Variants in PTPRT observed in about 807,000 individuals in gnomAD.
The protein encoded by PTPRT is protein tyrosine phosphatase receptor type T, also known as receptor-type tyrosine-protein phosphatase T.
In PTPRT, 56 loss-of-function variants were observed where a neutral mutation model predicts 176.8. The observed-to-expected ratio is 0.32, with a 90% CI of 0.26 to 0.40. The LOEUF (loss-of-function observed/expected upper bound fraction) is 0.40, where lower values mean the gene tolerates loss of function less well. PTPRT is among the 10% of genes least tolerant of loss of function. PTPRT has a pLI of 1.00. For synonymous variants in PTPRT, 783 were observed against 739.0 expected (o/e 1.06, Z -0.96); for missense variants, 1,540 against 1,908.2 (o/e 0.81, Z 3.60).
chr20:42,610,925 C>T lies in PTPRT; in HGVS notation c.1153+66941G>A, dbSNP rs1003297527. Among the ~76,000 whole-genome samples the T allele has an allele frequency of 1.2e-4, 15 of 122,318 alleles. 1 individual carries two copies. Among genetic ancestry groups the T allele is most frequent in the Admixed American group, 4.4e-4 (6 of 13,710 alleles). 80.2% of individuals were successfully genotyped at this position (122,318 alleles called of 152,430 possible). A position where few individuals can be genotyped will look rare whatever the true frequency, so the allele number is the denominator to read the frequency against. ...CTTACCTATTCTGAACATTGCAATA[C>T]ACTAGTCTTTCGTGTCTGACTTCTT... On this transcript the variant is annotated intron_variant, in intron 7 of 30. Coordinates refer to ENST00000373187, the MANE Select transcript of PTPRT (RefSeq NM_007050.6).
chr20:43,182,118 T>C (rs796399379), intron 1 of PTPRT, among the ~76,000 whole-genome samples: 3 of 152,238 alleles, frequency 2.0e-5, no homozygotes, highest in African/African-American at 7.2e-5. Context: ...AAATGCGTGA[T>C]CCCTAAGGGA....
At chr20:43,052,309 T>C (rs1600676197) in intron 1 of PTPRT, among the ~76,000 whole-genome samples, 1 of 152,384 alleles carries the variant, frequency 6.6e-6, no homozygotes, top group Middle Eastern at 3.4e-3. Context: ...CTGGCTATTG[T>C]GTAAAACAAA....
chr20:43,036,662 A>C (rs570661731), intron 1 of PTPRT, among the ~76,000 whole-genome samples: 9 of 152,346 alleles, frequency 5.9e-5, no homozygotes, highest in Middle Eastern at 3.4e-3. Context: ...GATATTTAAA[A>C]ACTCAATCCC....
intron 1 of PTPRT, among the ~76,000 whole-genome samples, chr20:43,012,505 C>T (rs1386857700): frequency 2.0e-5 from 3 of 152,014 alleles, no homozygotes; most frequent in East Asian, 1.9e-4. Context: ...AGATAGATAT[C>T]GGGGGTGGTT....
chr20:42,558,044 TG>T (rs1196071075), intron 7 of PTPRT, among the ~76,000 whole-genome samples: 1 of 152,190 alleles, frequency 6.6e-6, no homozygotes, highest in East Asian at 1.9e-4. Context: ...GATAAACTTG[TG>T]TCATGGGGGT....
intron 7 of PTPRT, among the ~76,000 whole-genome samples, chr20:42,677,306 T>A (rs2425512): frequency 0.39 from 59,378 of 151,362 alleles, 11,894 homozygotes; most frequent in African/African-American, 0.46. Flanking sequence ...AATTAGAAAC[T>A]CATTAAAGAT....
At chr20:42,574,966 G>T (rs1278499307) in intron 7 of PTPRT, among the ~76,000 whole-genome samples, 1 of 152,100 alleles carries the variant, frequency 6.6e-6, no homozygotes, top group Non-Finnish European at 1.5e-5. Context: ...TGCCATGATT[G>T]TAAGTTTCCT....
chr20:42,703,023 T>C (rs982762917), intron 6 of PTPRT, among the ~76,000 whole-genome samples: 1 of 152,216 alleles, frequency 6.6e-6, no homozygotes, highest in African/African-American at 2.4e-5. Context: ...AGGTTCAGAT[T>C]AGCTTAAGTC....
At chr20:43,175,032 T>C (rs897782146) in intron 1 of PTPRT, among the ~76,000 whole-genome samples, 4 of 152,218 alleles carry the variant, frequency 2.6e-5, no homozygotes, top group African/African-American at 4.8e-5. Flanking sequence ...TCTCTAAACA[T>C]TGAAAAGACT....
intron 7 of PTPRT, among the ~76,000 whole-genome samples, chr20:42,585,475 C>A (rs1053636556): frequency 6.6e-6 from 1 of 152,100 alleles, no homozygotes; most frequent in Non-Finnish European, 1.5e-5. Context: ...GAAATTCTAG[C>A]ATTTTATGTA....
the PTPRT span, among the ~76,000 whole-genome samples, chr20:42,052,390 AC>A: frequency 0.014 from 2,135 of 152,126 alleles, 19 homozygotes; most frequent in Non-Finnish European, 0.023. Context: ...CCTCTCAGAC[AC>A]CCTGTGGGTC....
intron 7 of PTPRT, among the ~76,000 whole-genome samples, chr20:42,610,110 C>T (rs753306841): frequency 1.6e-4 from 25 of 152,130 alleles, no homozygotes; most frequent in Non-Finnish European, 3.7e-4. Context: ...CTTTTTTCAG[C>T]GACTATTTTG....
chr20:42,209,504 G>A (rs955141919), intron 15 of PTPRT, among the ~76,000 whole-genome samples: 1 of 152,188 alleles, frequency 6.6e-6, no homozygotes, highest in African/African-American at 2.4e-5. Flanking sequence ...TACCATCAGA[G>A]AATACTACAA....
At chr20:42,605,255 C>T (rs1360626511) in intron 7 of PTPRT, among the ~76,000 whole-genome samples, 1 of 152,154 alleles carries the variant, frequency 6.6e-6, no homozygotes, top group Non-Finnish European at 1.5e-5. Flanking sequence ...TCTGCTCAGG[C>T]CAGGACTGAC....
At chr20:42,310,995 C>G (rs1352477556) in intron 12 of PTPRT, among the ~76,000 whole-genome samples, 1 of 152,194 alleles carries the variant, frequency 6.6e-6, no homozygotes, top group African/African-American at 2.4e-5. Flanking sequence ...TAAAATACTT[C>G]ATATTCACAG....
At chr20:42,332,338 T>G (rs1484546108) in intron 11 of PTPRT, among the ~76,000 whole-genome samples, 1 of 152,024 alleles carries the variant, frequency 6.6e-6, no homozygotes, top group Non-Finnish European at 1.5e-5. Context: ...GCCTCCCGAG[T>G]AGCTGAGACT....
intron 1 of PTPRT, among the ~76,000 whole-genome samples, chr20:43,026,328 G>A (rs1227024880): frequency 2.0e-5 from 3 of 152,136 alleles, no homozygotes; most frequent in Non-Finnish European, 4.4e-5. Flanking sequence ...ATATTGGCCA[G>A]GCTGGTCTCA....
intron 15 of PTPRT, among the ~76,000 whole-genome samples, chr20:42,235,812 C>G (rs1314654923): frequency 6.6e-6 from 1 of 152,180 alleles, no homozygotes; most frequent in East Asian, 1.9e-4. Flanking sequence ...GAATACCTTT[C>G]TAAACTTTGA....
At chr20:43,085,963 C>T (rs988198541) in intron 1 of PTPRT, among the ~76,000 whole-genome samples, 4 of 152,036 alleles carry the variant, frequency 2.6e-5, no homozygotes, top group South Asian at 4.1e-4. Flanking sequence ...CCCCACCCCC[C>T]CACAACTGAA....
Sources: allele counts gnomAD v4.1 joint callset (sites outside exome capture counted in the v4.1 genomes callset), GRCh38; gene constraint gnomAD v4.1.1; transcripts MANE v1.5; gene names NCBI Gene and HGNC (gene_info 2026-07-23, HGNC 2026-07-21).